MAP7D2: variants seen among roughly 807,000 people sequenced by gnomAD.
MAP7D2 encodes the protein MAP7 domain containing 2.
In MAP7D2, 33 loss-of-function variants were observed where a neutral mutation model predicts 63.5. The ratio of observed to expected loss-of-function variants is 0.52; its 90% confidence interval spans 0.39 to 0.70. The LOEUF (loss-of-function observed/expected upper bound fraction) is 0.70, where lower values mean the gene tolerates loss of function less well. Among genes scored for constraint, MAP7D2 ranks in the 30% least tolerant of loss-of-function variants. The probability of loss-of-function intolerance (pLI) is 0.00; values close to 1 mark genes in which losing one functional copy is unlikely to be tolerated. For synonymous variants in MAP7D2, 224 were observed against 223.7 expected (o/e 1.00, Z -0.01); for missense variants, 626 against 604.0 (o/e 1.04, Z -0.38).
At chrX:20,065,445 T>G (rs1389136081) in intron 1 of MAP7D2, among the ~76,000 whole-genome samples, 2 of 109,343 alleles carry the variant, frequency 1.8e-5, no homozygotes, top group Non-Finnish European at 3.8e-5. Context: ...TTTTGTATTT[T>G]TAGTAGAGAT....
intron 8 of MAP7D2, among the ~76,000 whole-genome samples, chrX:20,037,409 C>T (rs913224559): frequency 8.9e-6 from 1 of 111,801 alleles, no homozygotes; most frequent in Non-Finnish European, 1.9e-5. Context: ...CAGCCCGCAC[C>T]GATGGCCTCA....
intron 13 of MAP7D2, among the ~76,000 whole-genome samples, 169 bp downstream of exon 13, chrX:20,013,400 C>T (rs1390120855): frequency 1.8e-5 from 2 of 111,801 alleles, no homozygotes; most frequent in Non-Finnish European, 3.8e-5. Context: ...TCTGAAGCCC[C>T]TCTTTCTTTT....
Position 20,024,968 on chromosome X carries a change from C to T in MAP7D2, c.1395G>A (p.Glu465=), listed in dbSNP as rs781731241. 1 of 1,211,214 alleles carries T rather than the reference C, an allele frequency of 8.3e-7. No homozygotes were observed. The highest frequency in any genetic ancestry group is 2.2e-5 in the Admixed American group (1 of 45,957). Residue 465 remains glutamate (E), a synonymous_variant, in exon 10 of 17, where the codon GAG becomes GAA. Transcript: ENST00000379643. ...TAGCATACCTATCTTGTTCTTCCTTCTCCAGTCGTTCTTGCTCCTCCTGTT... is the reference window on the plus strand; with the variant it reads ...TAGCATACCTATCTTGTTCTTCCTTTTCCAGTCGTTCTTGCTCCTCCTGTT... The part of the protein sequence containing the change: ...QKEQEEQERL[E]KEEQDRLERE...
intron 1 of MAP7D2, among the ~76,000 whole-genome samples, chrX:20,100,950 G>A (rs1243853209): frequency 9.2e-6 from 1 of 108,778 alleles, no homozygotes; most frequent in Non-Finnish European, 1.9e-5. Context: ...GATCCCGGGA[G>A]GCGGAGGTTG....
At chrX:20,097,162 G>A (rs1040009043) in intron 1 of MAP7D2, among the ~76,000 whole-genome samples, 1 of 112,089 alleles carries the variant, frequency 8.9e-6, no homozygotes, top group African/African-American at 3.2e-5. Context: ...GTGGCTTAGT[G>A]CAATCAAGAA....
At chrX:20,045,822 G>C (rs1301424848) in intron 6 of MAP7D2, among the ~76,000 whole-genome samples, 1 of 111,355 alleles carries the variant, frequency 9.0e-6, no homozygotes, top group Non-Finnish European at 1.9e-5. Context: ...TGTTTTGAGA[G>C]GTAAAAGTGA....
intron 8 of MAP7D2, among the ~76,000 whole-genome samples, chrX:20,029,017 T>C (rs972293231): frequency 8.9e-5 from 10 of 112,101 alleles, no homozygotes; most frequent in African/African-American, 3.2e-4. Flanking sequence ...ATTTCTCTGA[T>C]TGGTGAGAAT....
chrX:20,046,760 T>A (rs190253966), intron 6 of MAP7D2, among the ~76,000 whole-genome samples: 2 of 112,720 alleles, frequency 1.8e-5, no homozygotes, highest in African/African-American at 6.4e-5. Flanking sequence ...TGGATAAAAA[T>A]GGGTTTTAAG....
chrX:20,034,646 G>A (rs1286008093), intron 8 of MAP7D2, among the ~76,000 whole-genome samples: 1 of 111,487 alleles, frequency 9.0e-6, no homozygotes, highest in Non-Finnish European at 1.9e-5. Flanking sequence ...TCCATCATGT[G>A]AGGACACACT....
At chrX:20,009,406 G>A (rs977725618) in intron 16 of MAP7D2, among the ~76,000 whole-genome samples, 1 of 111,651 alleles carries the variant, frequency 9.0e-6, no homozygotes, top group Non-Finnish European at 1.9e-5. Context: ...GCTCACGCCT[G>A]TAATCCTAGC....
chrX:20,070,083 G>C (rs777762240), intron 1 of MAP7D2, among the ~76,000 whole-genome samples: 37 of 111,080 alleles, frequency 3.3e-4, no homozygotes, highest in Non-Finnish European at 5.7e-4. Context: ...TGAGGAGCTG[G>C]GATTATAGGC....
At chrX:20,028,693 G>C (rs1298590739) in intron 8 of MAP7D2, among the ~76,000 whole-genome samples, 1 of 111,562 alleles carries the variant, frequency 9.0e-6, no homozygotes, top group Non-Finnish European at 1.9e-5. Context: ...CCACCACGAG[G>C]GTGTCTCAAA....
intron 1 of MAP7D2, among the ~76,000 whole-genome samples, chrX:20,077,250 T>C (rs762928916): frequency 1.8e-5 from 2 of 111,094 alleles, no homozygotes; most frequent in South Asian, 7.6e-4. Flanking sequence ...AGGTCAGGAG[T>C]TTGAGACCAG....
Position 20,107,866 on chromosome X carries a change from C to T in MAP7D2, c.130+8884G>A, listed in dbSNP as rs370573137. 2.6e-4 allele frequency among the ~76,000 whole-genome samples: 29 copies of T among 111,591 alleles called. No homozygotes were observed. The East Asian group carries it at 7.0e-3, about 27-fold the overall frequency. ...GTTTTTGTAGTTTTTTCACTTTTTA[C>T]TCATTCTGAAAATATTCAGAAACTG... is the stretch of plus-strand genomic sequence containing the variant. On this transcript the variant is annotated intron_variant, in intron 1 of 16. Coordinates refer to ENST00000379643, the MANE Select transcript of MAP7D2 (RefSeq NM_001168465.2).
intron 5 of MAP7D2, chrX:20,052,361 C>A (rs745900189): frequency 7.6e-6 from 2 of 263,851 alleles, no homozygotes; most frequent in Admixed American, 4.4e-5. Context: ...CGCCACCCAA[C>A]CTTTTCCTCT....
chrX:20,021,652 T>C (rs1012556983), intron 10 of MAP7D2: 3 of 112,132 alleles, frequency 2.7e-5, no homozygotes, highest in African/African-American at 9.7e-5. Context: ...GGACGTACTG[T>C]AGACACCATA....
intron 8 of MAP7D2, among the ~76,000 whole-genome samples, chrX:20,027,286 C>T (rs2073880616): frequency 8.9e-6 from 1 of 112,542 alleles, no homozygotes; most frequent in African/African-American, 3.2e-5. Context: ...CACTCGGGTT[C>T]TCCTAAGGGA....
At chrX:20,094,499 T>TAC (rs1451529702) in intron 1 of MAP7D2, among the ~76,000 whole-genome samples, 2 of 21,334 alleles carry the variant, frequency 9.4e-5, no homozygotes, top group African/African-American at 1.6e-4. Context: ...TATATATATA[T>TAC]ATATATATAT....
rs769595778 is a variant in MAP7D2, at chrX:20,087,914, G to A, written c.131-23109C>T. 4.7e-3 allele frequency among the ~76,000 whole-genome samples: 372 copies of A among 78,322 alleles called. 2 individuals carry two copies. The highest frequency in any genetic ancestry group is 0.018 in the African/African-American group (359 of 19,813). 68.0% of individuals were successfully genotyped at this position (78,322 alleles called of 115,157 possible). A position where few individuals can be genotyped will look rare whatever the true frequency, so the allele number is the denominator to read the frequency against. ...TTTTTTTTTTTTTTTTTTTTGAGAC[G>A]GAGTCTCACACTGTCACTGGACTGG... On this transcript the variant is annotated intron_variant, in intron 1 of 16. Coordinates refer to ENST00000379643, the MANE Select transcript of MAP7D2 (RefSeq NM_001168465.2).
Sources: allele counts gnomAD v4.1 joint callset (sites outside exome capture counted in the v4.1 genomes callset), GRCh38; gene constraint gnomAD v4.1.1; transcripts MANE v1.5; gene names NCBI Gene and HGNC (gene_info 2026-07-23, HGNC 2026-07-21).